Variants in ZNF141 observed in about 807,000 individuals in gnomAD.
The protein encoded by ZNF141 is zinc finger protein 141 (clone pHZ-44).
In ZNF141, 7 loss-of-function variants were observed where a neutral mutation model predicts 11.3. The observed-to-expected ratio is 0.62, with a 90% confidence interval of 0.35 to 1.16. ZNF141 has a LOEUF of 1.16. Among genes scored for constraint, ZNF141 ranks in the 50% most tolerant of loss-of-function variants. The pLI is 0.02. For synonymous variants in ZNF141, 183 were observed against 190.7 expected (o/e 0.96, Z 0.33); for missense variants, 535 against 554.0 (o/e 0.97, Z 0.34).
intron 3 of ZNF141, among the ~76,000 whole-genome samples, chr4:351,497 T>G (rs1553850449): frequency 6.6e-6 from 1 of 152,200 alleles, no homozygotes; most frequent in Admixed American, 6.5e-5. Flanking sequence ...GTGCTGAGAT[T>G]ACAGGCGTGA....
chr4:369,988 A>T (rs1176928898), intron 3 of ZNF141, among the ~76,000 whole-genome samples: 5 of 151,288 alleles, frequency 3.3e-5, no homozygotes, highest in African/African-American at 1.2e-4. Flanking sequence ...GATGATCTCG[A>T]TCTCCTGACC....
intron 3 of ZNF141, among the ~76,000 whole-genome samples, chr4:369,422 A>T (rs1473367579): frequency 1.3e-5 from 2 of 151,916 alleles, no homozygotes; most frequent in Non-Finnish European, 2.9e-5. Flanking sequence ...TCCTTTAATC[A>T]TTAGACCTCA....
At chr4:350,506 A>C (rs1721545189) in intron 3 of ZNF141, among the ~76,000 whole-genome samples, 1 of 152,196 alleles carries the variant, frequency 6.6e-6, no homozygotes, top group African/African-American at 2.4e-5. Context: ...ATCTTTTAAA[A>C]TCTTTCATTC....
At chr4:362,239 T>C (rs1215822486) in intron 3 of ZNF141, among the ~76,000 whole-genome samples, 1 of 152,230 alleles carries the variant, frequency 6.6e-6, no homozygotes, top group African/African-American at 2.4e-5. Context: ...GATTTCTTCT[T>C]GTAAATTTGT....
At chr4:369,440 C>T (rs1711914917) in intron 3 of ZNF141, among the ~76,000 whole-genome samples, 1 of 151,884 alleles carries the variant, frequency 6.6e-6, no homozygotes, top group South Asian at 2.1e-4. Context: ...TCAAGTGACT[C>T]TTGTAGAAAA....
chr4:366,266 A>T (rs1379117090), intron 3 of ZNF141, among the ~76,000 whole-genome samples: 1 of 152,068 alleles, frequency 6.6e-6, no homozygotes, highest in Non-Finnish European at 1.5e-5. Flanking sequence ...ATGAGGAAAA[A>T]TATCTTTCAA....
chr4:341,459 T>G (rs1312054135), intron 1 of ZNF141, among the ~76,000 whole-genome samples: 1 of 152,222 alleles, frequency 6.6e-6, no homozygotes, highest in Non-Finnish European at 1.5e-5. Context: ...AGAATAAATA[T>G]TTAGCTTCTA....
intron 3 of ZNF141, among the ~76,000 whole-genome samples, chr4:360,253 C>T (rs1350070811): frequency 6.6e-6 from 1 of 152,106 alleles, no homozygotes; most frequent in Non-Finnish European, 1.5e-5. Context: ...TCTTGCTATG[C>T]CATATGTTCC....
At chr4:350,108 A>C in intron 3 of ZNF141, 1 of 532,694 alleles carries the variant, frequency 1.9e-6, no homozygotes, top group Non-Finnish European at 3.9e-6. Context: ...CCACGTCTGG[A>C]CTGTAGCTGA....
chr4:372,778 G>A lies in ZNF141; in HGVS notation c.341G>A (p.Arg114Lys). The A allele has an allele frequency of 2.0e-5, 33 of 1,613,818 alleles. No homozygotes were observed. Among genetic ancestry groups the A allele is most frequent in the Non-Finnish European group, 2.5e-5 (30 of 1,179,870 alleles). The change falls in exon 4 of 4, where the codon AGA (arginine) becomes AAA (lysine). Residue 114 changes from arginine to lysine, a missense_variant. By Grantham distance (26) the Arg-to-Lys change is conservative (BLOSUM62 2). Coordinates refer to ENST00000240499, the MANE Select transcript of ZNF141 (RefSeq NM_003441.4). ...EKCGHDNLQL[R>K]KGCKSLNECK... ...TGTGGACATGATAATTTACAATTAA[G>A]AAAAGGCTGTAAAAGTTTGAATGAG...
At chr4:364,070 A>G (rs190560067) in intron 3 of ZNF141, among the ~76,000 whole-genome samples, 1 of 152,088 alleles carries the variant, frequency 6.6e-6, no homozygotes, top group Non-Finnish European at 1.5e-5. Context: ...GAGCTTTTTG[A>G]AGTGCTGCTG....
At chr4:342,464 T>C (rs1553848637) in intron 1 of ZNF141, among the ~76,000 whole-genome samples, 1 of 152,216 alleles carries the variant, frequency 6.6e-6, no homozygotes, top group Non-Finnish European at 1.5e-5. Flanking sequence ...TTTCTCTAAC[T>C]GAGTGGTACT....
At chr4:364,070 A>C (rs190560067) in intron 3 of ZNF141, among the ~76,000 whole-genome samples, 20 of 152,206 alleles carry the variant, frequency 1.3e-4, no homozygotes, top group African/African-American at 3.6e-4. Context: ...GAGCTTTTTG[A>C]AGTGCTGCTG....
chr4:353,138 C>T (rs1581597831), intron 3 of ZNF141, among the ~76,000 whole-genome samples: 1 of 152,060 alleles, frequency 6.6e-6, no homozygotes, highest in Admixed American at 6.6e-5. Context: ...TTTGGAAGGA[C>T]GAGGAGTGCA....
In ZNF141 at chr4:369,774, T is replaced by A. The variant is rs1323301649; in HGVS notation, c.227-2890T>A. 9.7e-5 allele frequency among the ~76,000 whole-genome samples: 9 copies of A among 92,344 alleles called. No individual in the cohort carries two copies. The East Asian group carries it at 1.2e-3, about 13-fold the overall frequency. The allele number at this position is 92,344 out of a possible 152,430, so 60.6% of individuals were successfully genotyped here. On this transcript the variant is annotated intron_variant, in intron 3 of 3. Coordinates refer to ENST00000240499, the MANE Select transcript of ZNF141 (RefSeq NM_003441.4). Reference sequence around the variant, plus strand: ...TATATATATATATATATTTTTTTTTTTTTTTTTTTTGAGAGGGAGTCTCAC... The same window carrying A: ...TATATATATATATATATTTTTTTTTATTTTTTTTTTGAGAGGGAGTCTCAC...
rs1212421503 is a variant in ZNF141 at position 382,089 on chromosome 4, G to A, written c.*8227G>A. Among the ~76,000 whole-genome samples, 6 of 151,652 alleles carry A rather than the reference G, an allele frequency of 4.0e-5. No individual in the cohort carries two copies. Among genetic ancestry groups the A allele is most frequent in the African/African-American group, 1.5e-4 (6 of 41,204 alleles). On this transcript the variant is annotated 3_prime_UTR_variant, in exon 4 of 4. Coordinates refer to ENST00000240499, the MANE Select transcript of ZNF141 (RefSeq NM_003441.4). ...GCCTCCCAAGTAGCTGGGACTACAGGCACCTGCTACCATGCCCGGCTAATT... is the reference window on the plus strand; with the variant it reads ...GCCTCCCAAGTAGCTGGGACTACAGACACCTGCTACCATGCCCGGCTAATT...
intron 1 of ZNF141, chr4:342,987 G>A (rs1375862894): frequency 7.7e-7 from 1 of 1,306,984 alleles, no homozygotes; most frequent in African/African-American, 1.5e-5. Context: ...TCAGTTCCTT[G>A]CGTGGTTAAA....
rs1553854187 is a variant in ZNF141, at chr4:373,936, T to G, written c.*74T>G. On this transcript the variant is annotated 3_prime_UTR_variant, in exon 4 of 4. Coordinates refer to ENST00000240499, the MANE Select transcript of ZNF141 (RefSeq NM_003441.4). ...CAAACCTTAATGAACATGAGAAAAT[T>G]TATACTGTAGAGAAACCCTGGAAAT... 1 of 1,326,394 alleles carries G rather than the reference T, an allele frequency of 7.5e-7. No individual in the cohort carries two copies. The highest frequency in any genetic ancestry group is 1.5e-5 in the African/African-American group (1 of 67,586). The allele number at this position is 1,326,394 out of a possible 1,614,324, so 82.2% of individuals were successfully genotyped here. A position where few individuals can be genotyped will look rare whatever the true frequency, so the allele number is the denominator to read the frequency against.
At chr4:346,732 G>C (rs367777936) in intron 3 of ZNF141, among the ~76,000 whole-genome samples, 1 of 151,870 alleles carries the variant, frequency 6.6e-6, no homozygotes, top group African/African-American at 2.4e-5. Flanking sequence ...TTGTCTTTCC[G>C]TGTTTGGCTT....
Sources: gnomAD v4.1 joint callset for allele counts (sites outside exome capture counted in the v4.1 genomes callset) on GRCh38, gnomAD v4.1.1 for gene constraint, MANE v1.5 for transcripts, NCBI Gene and HGNC (gene_info 2026-07-23, HGNC 2026-07-21) for gene names.